Variants in CD96 observed in about 807,000 individuals in gnomAD.
The protein encoded by CD96 is T-cell surface protein tactile.
A neutral mutation model predicts 71.3 loss-of-function variants in CD96; 70 were observed. The observed-to-expected ratio is 0.98, with a 90% CI of 0.81 to 1.20. The LOEUF (loss-of-function observed/expected upper bound fraction) is 1.20, where lower values mean the gene tolerates loss of function less well. Ranked by LOEUF, CD96 falls within the 50% of genes most tolerant of loss-of-function variation. CD96 has a pLI of 0.00. For synonymous variants in CD96, 248 were observed against 233.0 expected (o/e 1.06, Z -0.59); for missense variants, 742 against 677.5 (o/e 1.10, Z -1.06).
intron 11 of CD96, 50 bp downstream of exon 11, chr3:111,637,311 A>G (rs1001171104): frequency 1.0e-6 from 1 of 976,238 alleles, no homozygotes; most frequent in Non-Finnish European, 1.7e-6. Flanking sequence ...GGTCAGCTTT[A>G]TTTGGACACA....
rs144079254 is a variant in CD96, at chr3:111,623,813, A to G, written c.1240A>G (p.Thr414Ala). 5.0e-6 allele frequency: 8 copies of G among 1,607,746 alleles called. No homozygotes were observed. Among genetic ancestry groups the G allele is most frequent in the Admixed American group, 1.7e-5 (1 of 59,996 alleles). The change falls in exon 9 of 14, where the codon ACT (threonine) becomes GCT (alanine). Residue 414 changes from threonine to alanine, a missense_variant. Transcript: ENST00000352690. The stretch of plus-strand genomic sequence containing the variant: ...TGTGAGTGCCTTGAGGCCAAACACC[A>G]CTCCTCAACGTGAGTTCAGCAAAGT... ...VDVSALRPNT[T>A]PQPSNSSMTT...
chr3:111,642,799 T>G (rs553029998), intron 12 of CD96, among the ~76,000 whole-genome samples: 1 of 150,042 alleles, frequency 6.7e-6, no homozygotes, highest in Non-Finnish European at 1.5e-5. Flanking sequence ...AAACTGAGAC[T>G]CCGCCTAAAA....
chr3:111,602,677 G>C (rs953930680), intron 7 of CD96, among the ~76,000 whole-genome samples: 9 of 152,122 alleles, frequency 5.9e-5, no homozygotes, highest in African/African-American at 1.9e-4. Flanking sequence ...CAGGCTGTCT[G>C]TCTGTGATGG....
intron 2 of CD96, among the ~76,000 whole-genome samples, chr3:111,561,911 G>A (rs1431460907): frequency 1.3e-5 from 2 of 151,150 alleles, no homozygotes; most frequent in African/African-American, 2.4e-5. Flanking sequence ...TAGTCTCGTG[G>A]TGCGCCGTTT....
intron 8 of CD96, among the ~76,000 whole-genome samples, chr3:111,623,355 A>G (rs1346963405): frequency 6.6e-6 from 1 of 152,218 alleles, no homozygotes; most frequent in Non-Finnish European, 1.5e-5. Context: ...CATATTTAGC[A>G]TGTGAAGATA....
intron 2 of CD96, among the ~76,000 whole-genome samples, chr3:111,549,067 A>T (rs576358040): frequency 6.6e-6 from 1 of 152,266 alleles, no homozygotes; most frequent in African/African-American, 2.4e-5. Flanking sequence ...AGTGTATGAG[A>T]GGGTATAATA....
chr3:111,640,633 A>G (rs6768092), intron 12 of CD96, among the ~76,000 whole-genome samples: 11,968 of 152,264 alleles, frequency 0.079, 736 homozygotes, highest in East Asian at 0.26. Context: ...AAGAAGCACA[A>G]AGAACACCTG....
rs1939898045 is a variant in CD96, at chr3:111,647,676, A to C, written c.1601+10A>C. 6.3e-7 allele frequency: 1 copy of C among 1,579,688 alleles called. No individual in the cohort carries two copies. Among genetic ancestry groups the C allele is most frequent in the African/African-American group, 1.3e-5 (1 of 74,208 alleles). ...AGTACCAAAAAGAAATGTGAGTATA[A>C]TACTAACATATGTAGGAACAGATTA... is the stretch of plus-strand genomic sequence containing the variant. On this transcript the variant is annotated intron_variant, in intron 13 of 13. Transcript: ENST00000352690.
chr3:111,624,479 T>C, intron 10 of CD96, 75 bp downstream of exon 10: 1 of 848,446 alleles, frequency 1.2e-6, no homozygotes, highest in Non-Finnish European at 2.1e-6. Flanking sequence ...GAACGACATC[T>C]ATGTGCTTTG....
At chr3:111,544,213 C>T (rs541701531) in intron 1 of CD96, among the ~76,000 whole-genome samples, 11 of 152,180 alleles carry the variant, frequency 7.2e-5, no homozygotes, top group South Asian at 2.1e-4. Context: ...GGCATGATTT[C>T]GGCTCACTGT....
intron 12 of CD96, among the ~76,000 whole-genome samples, chr3:111,638,913 T>C (rs558053212): frequency 2.6e-5 from 4 of 152,314 alleles, no homozygotes; most frequent in Admixed American, 2.6e-4. Context: ...AAAATGGAGT[T>C]CTGTTTTTCC....
intron 1 of CD96, among the ~76,000 whole-genome samples, chr3:111,542,681 G>A (rs896614824): frequency 6.6e-6 from 1 of 152,270 alleles, no homozygotes; most frequent in Admixed American, 6.5e-5. Context: ...AGCCATCAAC[G>A]CTCAGAGATC....
intron 13 of CD96, among the ~76,000 whole-genome samples, chr3:111,648,737 A>T (rs945282068): frequency 6.6e-6 from 1 of 152,122 alleles, no homozygotes; most frequent in Non-Finnish European, 1.5e-5. Context: ...CAATCTCTCT[A>T]TCCTCCTTCC....
rs2107793487 is a variant in CD96 at position 111,649,759 on chromosome 3, G to A, written c.1663G>A (p.Glu555Lys). The change falls in exon 14 of 14, where the codon GAG becomes AAG. Residue 555 changes from glutamate to lysine, a missense_variant. Transcript: ENST00000352690. The stretch of plus-strand genomic sequence containing the variant: ...TCCCATCAAGTACACTTGCATTCAA[G>A]AGCCCAACGAAAGTGATCTGCCTTA... ...PPPIKYTCIQ[E>K]PNESDLPYHE... is the part of the protein sequence containing the mutation. 2 of 1,614,012 alleles carry A rather than the reference G, an allele frequency of 1.2e-6. No individual in the cohort carries two copies. Among genetic ancestry groups the A allele is most frequent in the East Asian group, 4.5e-5 (2 of 44,886 alleles).
intron 10 of CD96, among the ~76,000 whole-genome samples, chr3:111,632,662 A>T (rs1559768532): frequency 6.6e-6 from 1 of 152,236 alleles, no homozygotes; most frequent in Non-Finnish European, 1.5e-5. Context: ...TTCAAGACAC[A>T]TGCAAGGGTA....
intron 3 of CD96, chr3:111,571,028 C>T (rs764139685): frequency 2.6e-5 from 35 of 1,358,482 alleles, no homozygotes; most frequent in African/African-American, 2.2e-4. Context: ...TTGGGGTCAG[C>T]GGCTTGTAGG....
chr3:111,665,146 A>T (rs1940451393), intron 14 of CD96, among the ~76,000 whole-genome samples: 1 of 152,028 alleles, frequency 6.6e-6, no homozygotes, highest in South Asian at 2.1e-4. Context: ...ATTGTTAAAG[A>T]CAGATGAATC....
At chr3:111,649,310 G>C (rs1939972892) in intron 13 of CD96, among the ~76,000 whole-genome samples, 1 of 152,196 alleles carries the variant, frequency 6.6e-6, no homozygotes. Flanking sequence ...TAAAACCTCT[G>C]AGCCTCAGTT....
At chr3:111,586,087 A>T (rs1359045594) in intron 5 of CD96, among the ~76,000 whole-genome samples, 2 of 152,204 alleles carry the variant, frequency 1.3e-5, no homozygotes, top group Non-Finnish European at 2.9e-5. Flanking sequence ...TTAAAAATTA[A>T]ATAACATATG....
Sources: gnomAD v4.1 joint callset for allele counts (sites outside exome capture counted in the v4.1 genomes callset) on GRCh38, gnomAD v4.1.1 for gene constraint, MANE v1.5 for transcripts, NCBI Gene and HGNC (gene_info 2026-07-23, HGNC 2026-07-21) for gene names.